DGKI: variants seen among roughly 807,000 people sequenced by gnomAD.
DGKI encodes diacylglycerol kinase iota, also known as DAG kinase iota.
Under a neutral mutation model 147.5 loss-of-function variants are expected in DGKI, and 55 were observed. The observed-to-expected ratio is 0.37, with a 90% CI of 0.30 to 0.47. The LOEUF is 0.47. Ranked by LOEUF, DGKI falls within the 20% of genes least tolerant of loss-of-function variation. DGKI has a pLI of 1.00. For synonymous variants in DGKI, 469 were observed against 477.1 expected, an observed-to-expected ratio of 0.98 and a Z score of 0.22; for missense variants, 1,007 against 1,323.8, an observed-to-expected ratio of 0.76 and a Z score of 3.71.
At chr7:137,780,721 A>C (rs1049176552) in intron 1 of DGKI, among the ~76,000 whole-genome samples, 1 of 152,246 alleles carries the variant, frequency 6.6e-6, no homozygotes, top group African/African-American at 2.4e-5. Context: ...AAGCATCAAG[A>C]AATAATTTTT....
At chr7:137,678,500 C>T in intron 3 of DGKI, 57 bp downstream of exon 3, 2 of 1,523,522 alleles carry the variant, frequency 1.3e-6, no homozygotes, top group Non-Finnish European at 1.8e-6. Flanking sequence ...GCAAGGTGAC[C>T]CCTCTATTCA....
chr7:137,451,070 C>G (rs1045227942), intron 27 of DGKI, among the ~76,000 whole-genome samples: 4 of 151,890 alleles, frequency 2.6e-5, no homozygotes, highest in Non-Finnish European at 5.9e-5. Context: ...ATTATGTATC[C>G]AAAAGCAAAA....
intron 19 of DGKI, among the ~76,000 whole-genome samples, chr7:137,569,323 T>C (rs567952601): frequency 6.6e-5 from 10 of 152,208 alleles, no homozygotes; most frequent in African/African-American, 2.2e-4. Flanking sequence ...TAGCACATGA[T>C]AACCACTCAA....
intron 1 of DGKI, among the ~76,000 whole-genome samples, chr7:137,733,262 A>G (rs10240406): frequency 0.23 from 34,973 of 151,844 alleles, 7,593 homozygotes; most frequent in African/African-American, 0.56. Flanking sequence ...TCCATTCAGC[A>G]CCTGGTAACC....
intron 1 of DGKI, among the ~76,000 whole-genome samples, chr7:137,835,860 A>G (rs1798363860): frequency 6.6e-6 from 1 of 152,234 alleles, no homozygotes; most frequent in South Asian, 2.1e-4. Context: ...AAAGAGTATG[A>G]GACTTCAGAT....
intron 21 of DGKI, among the ~76,000 whole-genome samples, chr7:137,507,099 A>G (rs1816395104): frequency 1.3e-5 from 2 of 152,172 alleles, no homozygotes; most frequent in African/African-American, 4.8e-5. Context: ...CCCACTGCTC[A>G]CCTGGAACCA....
chr7:137,479,357 T>C (rs1475465456), intron 23 of DGKI, among the ~76,000 whole-genome samples: 4 of 152,184 alleles, frequency 2.6e-5, no homozygotes, highest in East Asian at 1.9e-4. Context: ...TATATATTAA[T>C]GGAAAATACG....
chr7:137,806,809 C>T (rs938781673), intron 1 of DGKI, among the ~76,000 whole-genome samples: 11 of 152,174 alleles, frequency 7.2e-5, no homozygotes, highest in South Asian at 6.2e-4. Flanking sequence ...CCCCACCATG[C>T]ATGACAGCAA....
intron 28 of DGKI, among the ~76,000 whole-genome samples, chr7:137,420,192 G>A (rs545872553): frequency 2.0e-5 from 3 of 152,248 alleles, no homozygotes; most frequent in South Asian, 2.1e-4. Context: ...TGGTGGCTGG[G>A]TTCCAAAAGC....
At position 137,678,658 on chromosome 7, in the gene DGKI, A is replaced by G. The variant is rs768026759; in HGVS notation, c.511-6T>C. On this transcript the variant is annotated splice_polypyrimidine_tract_variant and splice_region_variant and intron_variant, in intron 2 of 32. Transcript: ENST00000614521. ...TCTCCATTCACGGCATTCTCCTGCA[A>G]GGAAAAGACCCACCTGACATCAATT... is the stretch of plus-strand genomic sequence containing the variant. The G allele has an allele frequency of 6.2e-7, 1 of 1,613,770 alleles. No individual in the cohort carries two copies. The highest frequency in any genetic ancestry group is 8.5e-7 in the Non-Finnish European group (1 of 1,179,812).
chr7:137,533,361 T>A (rs186923543), intron 20 of DGKI, among the ~76,000 whole-genome samples: 1 of 152,212 alleles, frequency 6.6e-6, no homozygotes, highest in Non-Finnish European at 1.5e-5. Context: ...TAGTTAGATA[T>A]TTTGATGCTA....
intron 5 of DGKI, among the ~76,000 whole-genome samples, chr7:137,648,879 C>T (rs1190678026): frequency 6.6e-6 from 1 of 152,144 alleles, no homozygotes; most frequent in East Asian, 1.9e-4. Flanking sequence ...ATATTACTCT[C>T]TATGGCTCTA....
At chr7:137,473,761 G>A (rs967578730) in intron 23 of DGKI, among the ~76,000 whole-genome samples, 1 of 152,022 alleles carries the variant, frequency 6.6e-6, no homozygotes, top group Non-Finnish European at 1.5e-5. Context: ...TCTCTCCCAA[G>A]TGTTTGTTTT....
chr7:137,391,350 G>T lies in DGKI; in HGVS notation c.3058-14C>A. ...AGGTGTCTTACCCTATACGAAAATA[G>T]TGAGAAAAAAAAAAAGAGAGAGAGA... is the stretch of plus-strand genomic sequence containing the variant. On this transcript the variant is annotated splice_polypyrimidine_tract_variant and intron_variant, in intron 32 of 32. Coordinates refer to ENST00000614521, the MANE Select transcript of DGKI (RefSeq NM_001321708.2). 1 of 1,450,932 alleles carries T rather than the reference G, an allele frequency of 6.9e-7. No homozygotes were observed. The highest frequency in any genetic ancestry group is 9.2e-7 in the Non-Finnish European group (1 of 1,081,662). 89.9% of individuals were successfully genotyped at this position (1,450,932 alleles called of 1,614,324 possible). A position where few individuals can be genotyped will look rare whatever the true frequency, so the allele number is the denominator to read the frequency against.
intron 1 of DGKI, among the ~76,000 whole-genome samples, chr7:137,767,084 G>A (rs1287872427): frequency 6.6e-6 from 1 of 152,058 alleles, no homozygotes; most frequent in Non-Finnish European, 1.5e-5. Context: ...TCTGTGACCT[G>A]ATGGGGGGGC....
intron 1 of DGKI, among the ~76,000 whole-genome samples, chr7:137,758,737 G>A (rs1301584481): frequency 2.0e-5 from 3 of 151,714 alleles, no homozygotes; most frequent in Non-Finnish European, 4.4e-5. Flanking sequence ...TCAGTCTGAC[G>A]TATCAGACTA....
chr7:137,565,693 G>A (rs1234540210), intron 19 of DGKI, among the ~76,000 whole-genome samples: 1 of 152,142 alleles, frequency 6.6e-6, no homozygotes, highest in African/African-American at 2.4e-5. Flanking sequence ...GTCTTGAGAA[G>A]TTTAAATTAC....
chr7:137,474,263 C>T lies in DGKI; in HGVS notation c.2374-4644G>A, dbSNP rs539302618. 3.3e-5 allele frequency among the ~76,000 whole-genome samples: 5 copies of T among 152,200 alleles called. No homozygotes were observed. In the East Asian group the frequency reaches 9.7e-4, roughly 29 times the overall value. On this transcript the variant is annotated intron_variant, in intron 23 of 32. Coordinates refer to ENST00000614521, the MANE Select transcript of DGKI (RefSeq NM_001321708.2). ...AAAAAAATTGCCCTTGAATCTATTCCATGTACATATCTAAGCAGATGAAAA... is the reference window on the plus strand; with the variant it reads ...AAAAAAATTGCCCTTGAATCTATTCTATGTACATATCTAAGCAGATGAAAA...
intron 29 of DGKI, among the ~76,000 whole-genome samples, chr7:137,410,260 C>A (rs1225330074): frequency 6.6e-6 from 1 of 152,112 alleles, no homozygotes; most frequent in African/African-American, 2.4e-5. Context: ...AAAAAATTAG[C>A]TGGGTGTGGT....
Sources: allele counts gnomAD v4.1 joint callset (sites outside exome capture counted in the v4.1 genomes callset), GRCh38; gene constraint gnomAD v4.1.1; transcripts MANE v1.5; gene names NCBI Gene and HGNC (gene_info 2026-07-23, HGNC 2026-07-21).